NEGR1: variants seen among roughly 807,000 people sequenced by gnomAD.
NEGR1 encodes neuronal growth regulator 1, also known as IgLON family member 4.
NEGR1 carries 10 observed loss-of-function variants against 40.9 expected under a neutral mutation model. The observed-to-expected ratio is 0.24, with a 90% CI of 0.15 to 0.42. The LOEUF (loss-of-function observed/expected upper bound fraction) is 0.42. Among genes scored for constraint, NEGR1 ranks in the 10% least tolerant of loss-of-function variants. The probability of loss-of-function intolerance (pLI) is 1.00; values close to 1 mark genes in which losing one functional copy is unlikely to be tolerated. For missense variants in NEGR1, 352 were observed against 438.9 expected, an observed-to-expected ratio of 0.80 and a Z score of 1.77; for synonymous variants, 185 against 166.8, an observed-to-expected ratio of 1.11 and a Z score of -0.84.
At chr1:71,546,388 C>T (rs1344466310) in intron 6 of NEGR1, among the ~76,000 whole-genome samples, 2 of 151,536 alleles carry the variant, frequency 1.3e-5, no homozygotes, top group East Asian at 2.0e-4. Context: ...ATAAATAAGA[C>T]AGCATATGCT....
At chr1:71,913,880 C>T (rs1316682273) in intron 2 of NEGR1, among the ~76,000 whole-genome samples, 1 of 149,274 alleles carries the variant, frequency 6.7e-6, no homozygotes, top group East Asian at 2.0e-4. Context: ...ACAGTGATAA[C>T]TAAGTACACT....
At chr1:71,617,064 G>GA (rs553553542) in intron 4 of NEGR1, among the ~76,000 whole-genome samples, 12 of 152,020 alleles carry the variant, frequency 7.9e-5, no homozygotes, top group South Asian at 2.1e-4. Flanking sequence ...TTTTCAAAAG[G>GA]AAAAAAACAT....
intron 2 of NEGR1, among the ~76,000 whole-genome samples, chr1:71,928,979 G>A (rs1317151552): frequency 6.6e-6 from 1 of 151,984 alleles, no homozygotes; most frequent in Non-Finnish European, 1.5e-5. Context: ...CCTGCAAAGG[G>A]AATAAGAATG....
intron 4 of NEGR1, among the ~76,000 whole-genome samples, chr1:71,674,103 T>C (rs1014653699): frequency 2.0e-5 from 3 of 152,184 alleles, no homozygotes; most frequent in East Asian, 1.9e-4. Flanking sequence ...AAAAGTCATA[T>C]GCTGGGTAGC....
intron 1 of NEGR1, among the ~76,000 whole-genome samples, chr1:72,010,077 C>G (rs1646643058): frequency 6.6e-6 from 1 of 152,142 alleles, no homozygotes; most frequent in South Asian, 2.1e-4. Flanking sequence ...ACTAAGTCCC[C>G]TCTGCCACTG....
chr1:71,510,242 T>G (rs745862872), intron 6 of NEGR1, among the ~76,000 whole-genome samples: 1 of 152,118 alleles, frequency 6.6e-6, no homozygotes, highest in Non-Finnish European at 1.5e-5. Flanking sequence ...CAGCTATTAA[T>G]AAACAAATGC....
At chr1:72,067,473 A>G (rs1647304441) in intron 1 of NEGR1, among the ~76,000 whole-genome samples, 1 of 152,160 alleles carries the variant, frequency 6.6e-6, no homozygotes, top group Non-Finnish European at 1.5e-5. Flanking sequence ...ATAATTGACT[A>G]GATATCTACT....
intron 1 of NEGR1, among the ~76,000 whole-genome samples, chr1:71,954,978 G>A (rs184493931): frequency 3.4e-3 from 520 of 152,114 alleles, no homozygotes; most frequent in South Asian, 8.7e-3. Context: ...TTTACATGAG[G>A]AATAAATTTT....
At chr1:71,551,568 G>C (rs17091365) in intron 6 of NEGR1, among the ~76,000 whole-genome samples, 7,214 of 151,514 alleles carry the variant, frequency 0.048, 345 homozygotes, top group African/African-American at 0.11. Flanking sequence ...ACTTTGTTTA[G>C]ACAGCTATAC....
chr1:71,782,948 G>C (rs72678955), intron 2 of NEGR1, among the ~76,000 whole-genome samples: 14 of 150,710 alleles, frequency 9.3e-5, no homozygotes, highest in Non-Finnish European at 1.8e-4. Flanking sequence ...TTAACAGAAT[G>C]GTCTGTCACA....
At chr1:72,129,520 A>G (rs538074049) in intron 1 of NEGR1, among the ~76,000 whole-genome samples, 28 of 152,306 alleles carry the variant, frequency 1.8e-4, no homozygotes, top group African/African-American at 6.5e-4. Context: ...GTAGAACAAA[A>G]TATGAAGAAA....
At chr1:71,873,466 C>T (rs528452535) in intron 2 of NEGR1, among the ~76,000 whole-genome samples, 5 of 152,104 alleles carry the variant, frequency 3.3e-5, no homozygotes, top group African/African-American at 1.2e-4. Flanking sequence ...TTATATGACC[C>T]TGGACCAGTT....
At chr1:71,865,112 A>G (rs1461634141) in intron 2 of NEGR1, among the ~76,000 whole-genome samples, 1 of 152,182 alleles carries the variant, frequency 6.6e-6, no homozygotes, top group Admixed American at 6.6e-5. Flanking sequence ...GGATAAAATG[A>G]TTAGAACTTC....
chr1:72,028,578 A>G (rs1646831488), intron 1 of NEGR1, among the ~76,000 whole-genome samples: 1 of 152,338 alleles, frequency 6.6e-6, no homozygotes, highest in Non-Finnish European at 1.5e-5. Context: ...GCCTCAGCAC[A>G]TCACACTGAG....
rs147728206 is a variant in NEGR1, at chr1:71,873,270, A to T, written c.409+61809T>A. ...AAAACATATGTAAATATATAAATACATATATTAAATATATAAAGTCCATGA... is the reference window on the plus strand; with the variant it reads ...AAAACATATGTAAATATATAAATACTTATATTAAATATATAAAGTCCATGA... On this transcript the variant is annotated intron_variant, in intron 2 of 6. Coordinates refer to ENST00000357731, the MANE Select transcript of NEGR1 (RefSeq NM_173808.3). 3.7e-3 allele frequency among the ~76,000 whole-genome samples: 555 copies of T among 151,928 alleles called. 5 individuals carry two copies. Among genetic ancestry groups the T allele is most frequent in the African/African-American group, 0.013 (531 of 41,492 alleles).
At chr1:71,661,752 T>C (rs1289720798) in intron 4 of NEGR1, among the ~76,000 whole-genome samples, 1 of 152,182 alleles carries the variant, frequency 6.6e-6, no homozygotes, top group Non-Finnish European at 1.5e-5. Context: ...AGCCTAACTA[T>C]ATTAATAGAG....
intron 4 of NEGR1, among the ~76,000 whole-genome samples, chr1:71,628,568 C>G (rs1381937322): frequency 4.0e-5 from 6 of 151,772 alleles, no homozygotes; most frequent in Admixed American, 1.3e-4. Context: ...TCCCCTAGCA[C>G]CCCACCCCCT....
chr1:71,421,896 A>G (rs1453295558), intron 6 of NEGR1, among the ~76,000 whole-genome samples: 2 of 151,122 alleles, frequency 1.3e-5, no homozygotes, highest in African/African-American at 4.8e-5. Context: ...GATGTTAAAT[A>G]TTAATATCTC....
In NEGR1 at chr1:71,539,620, G is replaced by GTA. The variant is rs1048618287; in HGVS notation, c.940+53195_940+53196dup. 3.3e-5 allele frequency among the ~76,000 whole-genome samples: 5 copies of GTA among 151,718 alleles called. No individual in the cohort carries two copies. The East Asian group carries it at 9.8e-4, about 30-fold the overall frequency. Reference sequence around the variant, plus strand: ...TTACAGTGTTCCTATACGTATCTCTGTATATATATACCTCCAGTATTCATT... The same window carrying GTA: ...TTACAGTGTTCCTATACGTATCTCTGTATATATATATACCTCCAGTATTCATT... On this transcript the variant is annotated intron_variant, in intron 6 of 6. Coordinates refer to ENST00000357731, the MANE Select transcript of NEGR1 (RefSeq NM_173808.3).
Sources: gnomAD v4.1 joint callset for allele counts (sites outside exome capture counted in the v4.1 genomes callset) on GRCh38, gnomAD v4.1.1 for gene constraint, MANE v1.5 for transcripts, NCBI Gene and HGNC (gene_info 2026-07-23, HGNC 2026-07-21) for gene names.